Variants in EXT1 observed in about 807,000 individuals in gnomAD.
EXT1 encodes exostosin glycosyltransferase 1.
A neutral mutation model predicts 82.5 loss-of-function variants in EXT1; 20 were observed. The ratio of observed to expected loss-of-function variants is 0.24; its 90% CI spans 0.17 to 0.35. The LOEUF is 0.35. Among genes scored for constraint, EXT1 ranks in the 10% least tolerant of loss-of-function variants. EXT1 has a pLI of 1.00. For missense variants in EXT1, 757 were observed against 936.5 expected (o/e 0.81, Z 2.50); for synonymous variants, 348 against 350.8 (o/e 0.99, Z 0.09).
intron 1 of EXT1, among the ~76,000 whole-genome samples, chr8:118,042,081 C>T (rs1343574122): frequency 3.3e-5 from 5 of 152,172 alleles, no homozygotes; most frequent in Non-Finnish European, 5.9e-5. Flanking sequence ...CCCCCATCTC[C>T]GCTCTTGCTC....
intron 1 of EXT1, among the ~76,000 whole-genome samples, chr8:117,841,484 A>C (rs10113092): frequency 0.09 from 13,751 of 152,192 alleles, 798 homozygotes; most frequent in African/African-American, 0.17. Flanking sequence ...CTCGTTTCTT[A>C]TGTTTAGAAA....
intron 1 of EXT1, among the ~76,000 whole-genome samples, chr8:117,939,068 C>T (rs553365223): frequency 1.3e-5 from 2 of 152,132 alleles, no homozygotes; most frequent in South Asian, 4.2e-4. Context: ...CCAATGGAAG[C>T]CTCCCTTGCC....
At chr8:117,868,039 A>T (rs563787068) in intron 1 of EXT1, among the ~76,000 whole-genome samples, 6 of 152,312 alleles carry the variant, frequency 3.9e-5, no homozygotes, top group Admixed American at 6.5e-5. Context: ...CCAGACACAA[A>T]GTCCTTAACT....
intron 1 of EXT1, among the ~76,000 whole-genome samples, chr8:118,078,885 A>G (rs1224862584): frequency 6.6e-6 from 1 of 152,234 alleles, no homozygotes; most frequent in Non-Finnish European, 1.5e-5. Context: ...GAACAGTCAC[A>G]CTGAATTCCA....
At chr8:118,099,252 T>C (rs776126934) in intron 1 of EXT1, among the ~76,000 whole-genome samples, 1 of 152,232 alleles carries the variant, frequency 6.6e-6, no homozygotes, top group Non-Finnish European at 1.5e-5. Context: ...TGTTCTTCAA[T>C]TGCCATGGTT....
intron 1 of EXT1, among the ~76,000 whole-genome samples, chr8:118,060,045 T>C (rs1024328967): frequency 6.6e-5 from 10 of 152,196 alleles, no homozygotes; most frequent in African/African-American, 2.4e-4. Context: ...CCAAAAATAC[T>C]ACCATCATCA....
At chr8:117,905,681 G>A (rs112717562) in intron 1 of EXT1, among the ~76,000 whole-genome samples, 6,039 of 152,060 alleles carry the variant, frequency 0.04, 396 homozygotes, top group African/African-American at 0.13. Context: ...GCGTGGTGGC[G>A]GGCGCCTGCA....
At chr8:117,901,587 TGTAA>T (rs1405356459) in intron 1 of EXT1, among the ~76,000 whole-genome samples, 1 of 152,252 alleles carries the variant, frequency 6.6e-6, no homozygotes, top group Non-Finnish European at 1.5e-5. Flanking sequence ...CTTAGCTTAC[TGTAA>T]GTTTTTTACC....
chr8:117,987,800 G>A (rs964361091), intron 1 of EXT1, among the ~76,000 whole-genome samples: 1 of 152,282 alleles, frequency 6.6e-6, no homozygotes, highest in Admixed American at 6.5e-5. Context: ...TTAAATACTG[G>A]CTGTTGGTCA....
chr8:117,823,642 G>T (rs889538462), intron 4 of EXT1, among the ~76,000 whole-genome samples: 8 of 152,028 alleles, frequency 5.3e-5, no homozygotes, highest in African/African-American at 1.7e-4. Flanking sequence ...TATTTGCTAA[G>T]GTTATTAACA....
chr8:117,831,372 T>C (rs6996316), intron 3 of EXT1, among the ~76,000 whole-genome samples: 4,049 of 152,264 alleles, frequency 0.027, 152 homozygotes, highest in African/African-American at 0.091. Context: ...ATCACTACTA[T>C]TATCATTATT....
intron 1 of EXT1, among the ~76,000 whole-genome samples, chr8:117,976,665 G>C (rs1374976549): frequency 6.6e-6 from 1 of 152,194 alleles, no homozygotes; most frequent in Non-Finnish European, 1.5e-5. Context: ...CATGGGTATA[G>C]ACATACACAA....
chr8:118,072,048 C>G (rs1817103812), intron 1 of EXT1, among the ~76,000 whole-genome samples: 2 of 152,092 alleles, frequency 1.3e-5, no homozygotes, highest in Non-Finnish European at 1.5e-5. Context: ...CACCACAGAC[C>G]CACCAAATCA....
At position 118,110,925 on chromosome 8, in the gene EXT1, C is replaced by T. The variant is rs199862937; in HGVS notation, c.122G>A (p.Ser41Asn). The T allele has an allele frequency of 1.6e-4, 251 of 1,614,018 alleles. No individual in the cohort carries two copies. Among genetic ancestry groups the T allele is most frequent in the South Asian group, 3.4e-4 (31 of 91,076 alleles). Residue 41 changes from serine (S) to asparagine (N), a missense_variant, in exon 1 of 11, where the codon AGC becomes AAC. Physicochemically the swap from Ser to Asn is conservative, Grantham distance 46. Around this residue, in one of 4 missense-constraint regions of EXT1, gnomAD observed 175 missense variants for 159.0 expected, o/e 1.10. Coordinates refer to ENST00000378204, the MANE Select transcript of EXT1 (RefSeq NM_000127.3). ...GGGGTGGTGCAAGCCATTCCTACCG[C>T]TGTGTTCTTCTCTCCGGCTGTGGCT... ...SRSHSRREEH[S>N]GRNGLHHPSP... is the part of the protein sequence containing the mutation.
intron 1 of EXT1, among the ~76,000 whole-genome samples, chr8:118,025,030 A>G (rs1359782534): frequency 6.6e-6 from 1 of 152,212 alleles, no homozygotes; most frequent in African/African-American, 2.4e-5. Context: ...GTATATCTAG[A>G]AAGAGACAAA....
intron 1 of EXT1, among the ~76,000 whole-genome samples, chr8:117,986,343 C>G (rs1815319537): frequency 6.6e-6 from 1 of 152,098 alleles, no homozygotes; most frequent in Non-Finnish European, 1.5e-5. Flanking sequence ...GCATGCACCA[C>G]CACGCCTGGC....
At chr8:117,813,239 G>T (rs1220043524) in intron 7 of EXT1, among the ~76,000 whole-genome samples, 1 of 152,196 alleles carries the variant, frequency 6.6e-6, no homozygotes, top group East Asian at 1.9e-4. Context: ...ATGGTCTGTA[G>T]AGGAGACCAA....
At chr8:117,877,228 C>G (rs1812986762) in intron 1 of EXT1, among the ~76,000 whole-genome samples, 2 of 152,156 alleles carry the variant, frequency 1.3e-5, no homozygotes, top group African/African-American at 4.8e-5. Flanking sequence ...TCAGGCCTTC[C>G]CTAGCCTCAT....
intron 1 of EXT1, among the ~76,000 whole-genome samples, chr8:117,879,857 C>A (rs1026658440): frequency 6.6e-6 from 1 of 152,198 alleles, no homozygotes; most frequent in African/African-American, 2.4e-5. Context: ...AACAGCCTAC[C>A]ACTTATGATT....
Sources: allele counts gnomAD v4.1 joint callset (sites outside exome capture counted in the v4.1 genomes callset), GRCh38; gene constraint gnomAD v4.1.1; regional missense constraint gnomAD v4.1.1; transcripts MANE v1.5; gene names NCBI Gene and HGNC (gene_info 2026-07-23, HGNC 2026-07-21).